Variants in MICAL2 observed in about 807,000 individuals in gnomAD.
MICAL2 encodes the protein [F-actin]-monooxygenase MICAL2.
Under a neutral mutation model 127.3 loss-of-function variants are expected in MICAL2, and 77 were observed. The observed-to-expected ratio is 0.60, with a 90% CI of 0.50 to 0.73. The LOEUF is 0.73. MICAL2 is among the 30% of genes least tolerant of loss of function. The pLI is 0.00. For missense variants in MICAL2, 1,351 were observed against 1,434.4 expected (o/e 0.94, Z 0.94); for synonymous variants, 570 against 551.1 (o/e 1.03, Z -0.48).
At chr11:12,171,370 C>T (rs1268278860) in intron 3 of MICAL2, among the ~76,000 whole-genome samples, 1 of 152,208 alleles carries the variant, frequency 6.6e-6, no homozygotes, top group African/African-American at 2.4e-5. Flanking sequence ...TAACGCTCTC[C>T]TTCCCAGACT....
At chr11:12,244,951 A>G (rs12574429) in intron 21 of MICAL2, among the ~76,000 whole-genome samples, 25,507 of 152,234 alleles carry the variant, frequency 0.17, 2,424 homozygotes, top group Non-Finnish European at 0.21. Context: ...TGCAGAGATC[A>G]GCCTGGAGGA....
At chr11:12,188,665 AG>A (rs1192407509) in intron 3 of MICAL2, among the ~76,000 whole-genome samples, 1 of 152,198 alleles carries the variant, frequency 6.6e-6, no homozygotes. Context: ...TGGAGGGCTT[AG>A]GGCACAGTAG....
At chr11:12,269,373 T>C (rs113909243) in intron 24 of MICAL2, among the ~76,000 whole-genome samples, 1 of 152,186 alleles carries the variant, frequency 6.6e-6, no homozygotes, top group Non-Finnish European at 1.5e-5. Context: ...GTGCCTGTAG[T>C]GTCAGAAGAA....
At position 12,131,109 on chromosome 11, in the gene MICAL2, A is replaced by C. The variant is rs1231920450; in HGVS notation, c.-148-7281A>C. On this transcript the variant is annotated intron_variant, in intron 1 of 27. Transcript: ENST00000683283. ...GAGATCGAGACCATTCTGGCTAACA[A>C]GGTGAAACCCCGTCTCTACTAAAAA... Among the ~76,000 whole-genome samples, 2 of 40,018 alleles carry C rather than the reference A, an allele frequency of 5.0e-5. 1 individual carries two copies. Among genetic ancestry groups the C allele is most frequent in the African/African-American group, 1.0e-4 (2 of 19,426 alleles). The allele number at this position is 40,018 out of a possible 152,430, so 26.3% of individuals were successfully genotyped here.
At chr11:12,339,827 C>T (rs1432230828) in intron 32 of MICAL2, among the ~76,000 whole-genome samples, 1 of 152,114 alleles carries the variant, frequency 6.6e-6, no homozygotes, top group Non-Finnish European at 1.5e-5. Context: ...AGAGGAGTAC[C>T]CAGCCTTGTG....
At chr11:12,242,083 T>C (rs1187742941) in intron 18 of MICAL2, 131 bp from the exon 19 acceptor site, 22 of 698,348 alleles carry the variant, frequency 3.2e-5, no homozygotes, top group Middle Eastern at 4.1e-4. Context: ...CACCTGGGGC[T>C]AGTTTGGAAT....
chr11:12,153,785 T>C (rs1853856455), intron 2 of MICAL2, among the ~76,000 whole-genome samples: 1 of 152,248 alleles, frequency 6.6e-6, no homozygotes, highest in Non-Finnish European at 1.5e-5. Context: ...CCTCTCACTG[T>C]TAGTTTTGAG....
chr11:12,119,208 G>C (rs1850300970), intron 1 of MICAL2, among the ~76,000 whole-genome samples: 1 of 152,166 alleles, frequency 6.6e-6, no homozygotes, highest in South Asian at 2.1e-4. Context: ...AGTGCTGTGG[G>C]CTGTTTATGG....
chr11:12,301,364 T>C (rs1864044273), intron 29 of MICAL2, among the ~76,000 whole-genome samples: 1 of 152,242 alleles, frequency 6.6e-6, no homozygotes, highest in South Asian at 2.1e-4. Context: ...TTTTATTCCA[T>C]TGTATGACTA....
At chr11:12,184,400 A>G (rs562140216) in intron 3 of MICAL2, among the ~76,000 whole-genome samples, 13 of 152,240 alleles carry the variant, frequency 8.5e-5, no homozygotes, top group Middle Eastern at 3.4e-3. Context: ...TCCACTGCAG[A>G]CCCTGACCAC....
intron 23 of MICAL2, 61 bp from the exon 24 acceptor site, chr11:12,256,723 GC>G (rs1323105780): frequency 2.3e-5 from 33 of 1,447,088 alleles, no homozygotes; most frequent in Non-Finnish European, 2.8e-6. Flanking sequence ...AAAAGCCTTG[GC>G]CTGGCATTTG....
Position 12,285,518 on chromosome 11 carries a change from A to G in MICAL2, c.255-1569A>G, listed in dbSNP as rs146864549. 3.6e-4 allele frequency among the ~76,000 whole-genome samples: 55 copies of G among 152,340 alleles called. 1 individual carries two copies. In the East Asian group the frequency reaches 8.7e-3, roughly 24 times the overall value. ...GTTCCTCCCAAAGTTAGTTCAGCCTACGCCCAGGAATGAACAAAGACAGGG... is the reference window on the plus strand; with the variant it reads ...GTTCCTCCCAAAGTTAGTTCAGCCTGCGCCCAGGAATGAACAAAGACAGGG... On this transcript the variant is annotated intron_variant, in intron 2 of 2. Coordinates refer to the MICAL2 transcript ENST00000529028.
chr11:12,333,886 T>C (rs192739850), intron 32 of MICAL2, among the ~76,000 whole-genome samples: 48 of 152,266 alleles, frequency 3.2e-4, no homozygotes, highest in Non-Finnish European at 2.5e-4. Flanking sequence ...AAACATATTC[T>C]TATATATATG....
At chr11:12,358,463 A>C in exon 35 of MICAL2, 1 of 1,614,176 alleles carries the variant, frequency 6.2e-7, no homozygotes, top group Non-Finnish European at 8.5e-7. Flanking sequence ...AGAGGCTGTC[A>C]GCTGAGCAGG....
chr11:12,156,131 C>G (rs1854162044), intron 2 of MICAL2, among the ~76,000 whole-genome samples: 1 of 152,166 alleles, frequency 6.6e-6, no homozygotes, highest in Non-Finnish European at 1.5e-5. Context: ...GACCTGGGGT[C>G]TCTCCCCAGC....
intron 33 of MICAL2, among the ~76,000 whole-genome samples, chr11:12,352,946 C>T (rs2134904858): frequency 6.6e-6 from 1 of 152,324 alleles, no homozygotes; most frequent in South Asian, 2.1e-4. Context: ...CACCTCCTCT[C>T]TGCCCAGTCT....
chr11:12,321,186 G>T (rs984144628), intron 30 of MICAL2, among the ~76,000 whole-genome samples: 3 of 152,126 alleles, frequency 2.0e-5, no homozygotes, highest in Non-Finnish European at 2.9e-5. Context: ...ACGTCAGCTT[G>T]CCAGGTGGTA....
At chr11:12,146,136 A>G (rs1400544848) in intron 2 of MICAL2, among the ~76,000 whole-genome samples, 2 of 152,222 alleles carry the variant, frequency 1.3e-5, no homozygotes, top group Non-Finnish European at 2.9e-5. Flanking sequence ...AGGCAATACC[A>G]TTCAGGACAT....
chr11:12,300,022 T>C (rs935026577), intron 29 of MICAL2, among the ~76,000 whole-genome samples: 18 of 152,152 alleles, frequency 1.2e-4, no homozygotes, highest in African/African-American at 4.3e-4. Context: ...AGACTGGGCA[T>C]GGTGGCTCAC....
Sources: gnomAD v4.1 joint callset for allele counts (sites outside exome capture counted in the v4.1 genomes callset) on GRCh38, gnomAD v4.1.1 for gene constraint, MANE v1.5 for transcripts, NCBI Gene and HGNC (gene_info 2026-07-23, HGNC 2026-07-21) for gene names.